Variants in CMIP observed in about 807,000 individuals in gnomAD.
The protein encoded by CMIP is C-Maf-inducing protein.
In CMIP, 13 loss-of-function variants were observed where a neutral mutation model predicts 97.3. The observed-to-expected ratio is 0.13, with a 90% CI of 0.09 to 0.21. The LOEUF is 0.21. Among genes scored for constraint, CMIP ranks in the 10% least tolerant of loss-of-function variants. The probability of loss-of-function intolerance (pLI) is 1.00; values close to 1 mark genes in which losing one functional copy is unlikely to be tolerated. For synonymous variants in CMIP, 538 were observed against 436.3 expected, an observed-to-expected ratio of 1.23 and a Z score of -2.91; for missense variants, 847 against 1,024.9, an observed-to-expected ratio of 0.83 and a Z score of 2.37.
rs545627849 is a variant in CMIP at position 81,530,217 on chromosome 16, C to A, written c.301-77350C>A. Among the ~76,000 whole-genome samples, 8 of 152,276 alleles carry A rather than the reference C, an allele frequency of 5.3e-5. No homozygotes were observed. In the East Asian group the frequency reaches 1.5e-3, roughly 29 times the overall value. On this transcript the variant is annotated intron_variant, in intron 1 of 20. Coordinates refer to ENST00000537098, the MANE Select transcript of CMIP (RefSeq NM_198390.3). The stretch of plus-strand genomic sequence containing the variant: ...CTGATCCATTCCTACCAGGGTCCCA[C>A]GTCTTATGAGGCTCCAGCCTTCTTA...
chr16:81,556,175 G>A (rs1385517710), intron 1 of CMIP, among the ~76,000 whole-genome samples: 2 of 152,112 alleles, frequency 1.3e-5, no homozygotes, highest in Admixed American at 1.3e-4. Flanking sequence ...CTGGCTGCAC[G>A]TCATCTCATT....
chr16:81,481,205 G>A (rs574019380), intron 1 of CMIP, among the ~76,000 whole-genome samples: 52 of 152,304 alleles, frequency 3.4e-4, no homozygotes, highest in Admixed American at 2.4e-3. Context: ...AGGAATATGC[G>A]GTGATGAGAC....
intron 18 of CMIP, among the ~76,000 whole-genome samples, 168 bp from the exon 19 acceptor site, chr16:81,705,331 G>A (rs567543325): frequency 4.9e-4 from 75 of 152,352 alleles, no homozygotes; most frequent in African/African-American, 1.6e-3. Flanking sequence ...TCAGAGAGGC[G>A]TGGGATTGTT....
rs567351286 is a variant in CMIP at position 81,699,818 on chromosome 16, G to C, written c.1755+17G>C. ...ATGGTGGAGGTAAGGAGCTGGTCGG[G>C]GTCCCTGGTGGGGTGGCTGGCTCCC... On this transcript the variant is annotated intron_variant, in intron 15 of 20. Transcript: ENST00000537098. 54 of 1,554,132 alleles carry C rather than the reference G, an allele frequency of 3.5e-5. No individual in the cohort carries two copies. Among genetic ancestry groups the C allele is most frequent in the Non-Finnish European group, 4.4e-5 (50 of 1,130,246 alleles).
intron 1 of CMIP, among the ~76,000 whole-genome samples, chr16:81,502,573 C>G (rs2089633045): frequency 1.3e-5 from 2 of 152,170 alleles, no homozygotes; most frequent in Non-Finnish European, 2.9e-5. Context: ...GGGCGTCATG[C>G]TGATGGCTGG....
At chr16:81,540,217 C>T (rs115978739) in intron 1 of CMIP, among the ~76,000 whole-genome samples, 18 of 152,326 alleles carry the variant, frequency 1.2e-4, no homozygotes, top group African/African-American at 4.1e-4. Flanking sequence ...TTTTGTGTCT[C>T]GTCAGAGCAC....
At chr16:81,595,690 G>A (rs1052562725) in intron 1 of CMIP, among the ~76,000 whole-genome samples, 2 of 151,934 alleles carry the variant, frequency 1.3e-5, no homozygotes, top group Non-Finnish European at 2.9e-5. Context: ...CGCCTAGCCC[G>A]CATAATACTT....
chr16:81,670,550 C>T (rs1567650086), intron 8 of CMIP, among the ~76,000 whole-genome samples: 1 of 148,456 alleles, frequency 6.7e-6, no homozygotes, highest in South Asian at 2.1e-4. Context: ...ATAAACATAA[C>T]CAAGAGGAAG....
intron 1 of CMIP, among the ~76,000 whole-genome samples, chr16:81,489,336 TC>T (rs1411332619): frequency 2.0e-5 from 3 of 152,126 alleles, no homozygotes; most frequent in Non-Finnish European, 2.9e-5. Flanking sequence ...TAGTGCTTGT[TC>T]CCCACAGAGG....
intron 1 of CMIP, among the ~76,000 whole-genome samples, chr16:81,589,844 A>G (rs984376357): frequency 6.6e-6 from 1 of 152,238 alleles, no homozygotes; most frequent in Non-Finnish European, 1.5e-5. Context: ...AAGGCGCTGA[A>G]TGAATCTGTT....
chr16:81,596,895 A>G (rs545165630), intron 1 of CMIP, among the ~76,000 whole-genome samples: 37 of 152,350 alleles, frequency 2.4e-4, no homozygotes, highest in Non-Finnish European at 4.4e-4. Flanking sequence ...GTGGAAGCAC[A>G]TGGTGATGTA....
At chr16:81,485,472 G>A (rs1290617800) in intron 1 of CMIP, among the ~76,000 whole-genome samples, 1 of 152,200 alleles carries the variant, frequency 6.6e-6, no homozygotes, top group Non-Finnish European at 1.5e-5. Context: ...GTGGACTGCT[G>A]GACGTCCCAG....
chr16:81,545,640 G>A (rs1483555911), intron 1 of CMIP, among the ~76,000 whole-genome samples: 1 of 152,190 alleles, frequency 6.6e-6, no homozygotes, highest in Non-Finnish European at 1.5e-5. Context: ...GCGGACCTGC[G>A]ATGCTCACGG....
chr16:81,472,007 C>T (rs750674702), intron 1 of CMIP, among the ~76,000 whole-genome samples: 2 of 152,216 alleles, frequency 1.3e-5, no homozygotes, highest in African/African-American at 4.8e-5. Flanking sequence ...TCAGGGGGCA[C>T]TGCTGCAGGT....
At chr16:81,457,404 C>G (rs1906618549) in intron 1 of CMIP, among the ~76,000 whole-genome samples, 1 of 152,312 alleles carries the variant, frequency 6.6e-6, no homozygotes, top group South Asian at 2.1e-4. Flanking sequence ...CAGAATCCCA[C>G]CACCTGGAAA....
intron 16 of CMIP, 65 bp downstream of exon 16, chr16:81,701,865 G>GC: frequency 6.3e-7 from 1 of 1,596,350 alleles, no homozygotes; most frequent in South Asian, 1.1e-5. Flanking sequence ...AGGGCGGGAT[G>GC]CGGGGCAGCT....
At chr16:81,586,624 A>G (rs373501464) in intron 1 of CMIP, among the ~76,000 whole-genome samples, 2 of 149,130 alleles carry the variant, frequency 1.3e-5, no homozygotes, top group East Asian at 1.9e-4. Flanking sequence ...ACCTCCTTCA[A>G]CTTCTCTCTC....
chr16:81,634,629 G>GCAGGAGTGC (rs1375497312), intron 3 of CMIP, among the ~76,000 whole-genome samples: 1 of 152,208 alleles, frequency 6.6e-6, no homozygotes, highest in Non-Finnish European at 1.5e-5. Context: ...CCCAGGGAGG[G>GCAGGAGTGC]CAGGAGTGCG....
chr16:81,640,770 G>GTGTCTCTC (rs376370488), intron 3 of CMIP, among the ~76,000 whole-genome samples: 2 of 135,592 alleles, frequency 1.5e-5, no homozygotes, highest in African/African-American at 5.6e-5. Context: ...GTGTGTGTGT[G>GTGTCTCTC]TCTCTCTCTC....
Sources: gnomAD v4.1 joint callset for allele counts (sites outside exome capture counted in the v4.1 genomes callset) on GRCh38, gnomAD v4.1.1 for gene constraint, MANE v1.5 for transcripts, NCBI Gene and HGNC (gene_info 2026-07-23, HGNC 2026-07-21) for gene names.